Variants in CNTN5 observed in about 807,000 individuals in gnomAD.
CNTN5 encodes the protein contactin-5.
CNTN5 carries 77 observed loss-of-function variants against 129.1 expected under a neutral mutation model. That is an observed-to-expected ratio of 0.60 (90% confidence interval 0.50 to 0.72). The LOEUF (loss-of-function observed/expected upper bound fraction) is 0.72, where lower values mean the gene tolerates loss of function less well. Among genes scored for constraint, CNTN5 ranks in the 30% least tolerant of loss-of-function variants. The probability of loss-of-function intolerance (pLI) is 0.00; values close to 1 mark genes in which losing one functional copy is unlikely to be tolerated. For missense variants in CNTN5, 1,478 were observed against 1,328.8 expected, an observed-to-expected ratio of 1.11 and a Z score of -1.75; for synonymous variants, 509 against 465.6, an observed-to-expected ratio of 1.09 and a Z score of -1.20.
intron 3 of CNTN5, among the ~76,000 whole-genome samples, chr11:99,634,287 T>C (rs1430511914): frequency 6.6e-6 from 1 of 152,080 alleles, no homozygotes; most frequent in Non-Finnish European, 1.5e-5. Context: ...GAGGGAACAG[T>C]GATGAAAGTC....
intron 1 of CNTN5, among the ~76,000 whole-genome samples, chr11:99,278,229 T>G (rs1179155821): frequency 6.6e-6 from 1 of 151,642 alleles, no homozygotes; most frequent in African/African-American, 2.4e-5. Flanking sequence ...ATTATGTGCT[T>G]ACTATGTGCT....
chr11:99,975,373 A>G (rs900676102), intron 8 of CNTN5, among the ~76,000 whole-genome samples: 18 of 152,126 alleles, frequency 1.2e-4, no homozygotes, highest in African/African-American at 4.3e-4. Context: ...TCCCTTTTGG[A>G]AAGGGAGCAT....
At position 100,185,171 on chromosome 11, in the gene CNTN5, T is replaced by C. The variant is rs187490775; in HGVS notation, c.1581-5955T>C. 2.9e-3 allele frequency among the ~76,000 whole-genome samples: 446 copies of C among 152,210 alleles called. 4 individuals carry two copies. The highest frequency in any genetic ancestry group is 0.01 in the African/African-American group (423 of 41,540). ...GTACGTCTTTATACCAGTGTGAAAA[T>C]TGTCTCATACATAAGTCATGGGCTC... is the stretch of plus-strand genomic sequence containing the variant. On this transcript the variant is annotated intron_variant, in intron 13 of 24. Coordinates refer to ENST00000524871, the MANE Select transcript of CNTN5 (RefSeq NM_014361.4).
At chr11:99,297,275 C>T (rs1049522680) in intron 1 of CNTN5, among the ~76,000 whole-genome samples, 3 of 152,140 alleles carry the variant, frequency 2.0e-5, no homozygotes, top group African/African-American at 4.8e-5. Context: ...TCCATTGAAG[C>T]GACACTGAAA....
At chr11:99,458,475 A>G (rs1454150841) in intron 2 of CNTN5, among the ~76,000 whole-genome samples, 1 of 152,010 alleles carries the variant, frequency 6.6e-6, no homozygotes, top group Non-Finnish European at 1.5e-5. Context: ...AAATATAAAA[A>G]CAATATTTGT....
chr11:100,222,186 G>A (rs1212439356), intron 15 of CNTN5, among the ~76,000 whole-genome samples: 1 of 152,102 alleles, frequency 6.6e-6, no homozygotes, highest in Non-Finnish European at 1.5e-5. Flanking sequence ...AAAATGAGAC[G>A]ATTTTAACTC....
chr11:100,104,358 GGT>G (rs1000607531), intron 13 of CNTN5, among the ~76,000 whole-genome samples: 1 of 151,946 alleles, frequency 6.6e-6, no homozygotes, highest in African/African-American at 2.4e-5. Context: ...GCCTCCCAAA[GGT>G]GTGAGCCACC....
At chr11:100,184,824 G>A (rs1948247538) in intron 13 of CNTN5, among the ~76,000 whole-genome samples, 1 of 152,106 alleles carries the variant, frequency 6.6e-6, no homozygotes, top group Non-Finnish European at 1.5e-5. Flanking sequence ...TTAATAAGTT[G>A]ATACAGTATG....
chr11:99,023,577 A>C (rs1862982377), intron 1 of CNTN5, among the ~76,000 whole-genome samples: 1 of 152,220 alleles, frequency 6.6e-6, no homozygotes, highest in Non-Finnish European at 1.5e-5. Flanking sequence ...TGGCTGTAAT[A>C]CTGTGAAGAT....
intron 3 of CNTN5, among the ~76,000 whole-genome samples, chr11:99,616,538 A>T (rs1299451453): frequency 6.6e-6 from 1 of 152,250 alleles, no homozygotes; most frequent in Non-Finnish European, 1.5e-5. Context: ...TAAGATATAG[A>T]TATGAATAGA....
chr11:99,498,530 C>T (rs191855601), intron 2 of CNTN5, among the ~76,000 whole-genome samples: 461 of 152,272 alleles, frequency 3.0e-3, no homozygotes, highest in Non-Finnish European at 4.8e-3. Flanking sequence ...CATCAATGTT[C>T]CCTTTTTCCC....
At chr11:99,853,209 A>T (rs1947929029) in intron 6 of CNTN5, among the ~76,000 whole-genome samples, 1 of 152,112 alleles carries the variant, frequency 6.6e-6, no homozygotes, top group Non-Finnish European at 1.5e-5. Flanking sequence ...AGTCAAAGAA[A>T]CAACAATTAT....
intron 8 of CNTN5, among the ~76,000 whole-genome samples, chr11:99,987,921 T>C (rs1363999816): frequency 6.6e-6 from 1 of 152,196 alleles, no homozygotes; most frequent in Non-Finnish European, 1.5e-5. Flanking sequence ...TAAATGACAG[T>C]TTACTTATAT....
intron 3 of CNTN5, among the ~76,000 whole-genome samples, chr11:99,709,308 T>C (rs1027550626): frequency 2.6e-5 from 4 of 151,860 alleles, no homozygotes; most frequent in African/African-American, 2.4e-5. Context: ...ACTGTATGAT[T>C]GCCACTAAGT....
intron 2 of CNTN5, among the ~76,000 whole-genome samples, chr11:99,357,904 C>T (rs921217834): frequency 2.0e-5 from 3 of 150,424 alleles, no homozygotes; most frequent in South Asian, 4.3e-4. Flanking sequence ...CTCCGGAGGC[C>T]GAGGCAGGAG....
At chr11:99,061,514 T>G (rs183423749) in intron 1 of CNTN5, among the ~76,000 whole-genome samples, 127 of 152,216 alleles carry the variant, frequency 8.3e-4, no homozygotes, top group East Asian at 7.7e-4. Flanking sequence ...CTTCTACCTA[T>G]TGCTGCTGTA....
intron 16 of CNTN5, among the ~76,000 whole-genome samples, chr11:100,229,521 A>T (rs925095655): frequency 6.6e-6 from 1 of 152,194 alleles, no homozygotes; most frequent in Non-Finnish European, 1.5e-5. Context: ...CCAAGTGCTA[A>T]TCTTTAGTGA....
chr11:99,104,702 G>T (rs1251686071), intron 1 of CNTN5, among the ~76,000 whole-genome samples: 2 of 151,432 alleles, frequency 1.3e-5, no homozygotes, highest in Non-Finnish European at 2.9e-5. Context: ...ATTGTTATTT[G>T]TCAATTATAA....
chr11:99,320,073 C>T (rs750600212), intron 1 of CNTN5, among the ~76,000 whole-genome samples: 9 of 152,090 alleles, frequency 5.9e-5, no homozygotes, highest in Non-Finnish European at 8.8e-5. Flanking sequence ...AACACCGTCT[C>T]TACTGAAAAT....
Sources: allele counts gnomAD v4.1 joint callset (sites outside exome capture counted in the v4.1 genomes callset), GRCh38; gene constraint gnomAD v4.1.1; transcripts MANE v1.5; gene names NCBI Gene and HGNC (gene_info 2026-07-23, HGNC 2026-07-21).